ADAMTS20: variants seen among roughly 807,000 people sequenced by gnomAD.
ADAMTS20 encodes A disintegrin and metalloproteinase with thrombospondin motifs 20.
A neutral mutation model predicts 260.1 loss-of-function variants in ADAMTS20; 225 were observed. The observed-to-expected ratio is 0.87, with a 90% CI of 0.78 to 0.97. The LOEUF is 0.97. Ranked by LOEUF, ADAMTS20 falls within the 50% of genes least tolerant of loss-of-function variation. The pLI is 0.00. For missense variants in ADAMTS20, 2,400 were observed against 2,337.7 expected (o/e 1.03, Z -0.55); for synonymous variants, 802 against 769.5 (o/e 1.04, Z -0.70).
intron 28 of ADAMTS20, among the ~76,000 whole-genome samples, chr12:43,412,802 A>ATTTT (rs139458463): frequency 1.1e-4 from 9 of 84,274 alleles, no homozygotes; most frequent in African/African-American, 2.1e-4. Context: ...ATAGGAAATA[A>ATTTT]TTTTTTTTTT....
At chr12:43,387,193 A>G (rs1208245395) in intron 29 of ADAMTS20, among the ~76,000 whole-genome samples, 2 of 152,038 alleles carry the variant, frequency 1.3e-5, no homozygotes, top group Non-Finnish European at 2.9e-5. Flanking sequence ...CCTTTTGTTG[A>G]TGTTCATGCC....
At position 43,434,933 on chromosome 12, in the gene ADAMTS20, T is replaced by C. The variant is rs148696283; in HGVS notation, c.2594-562A>G. Among the ~76,000 whole-genome samples, 697 of 152,162 alleles carry C rather than the reference T, an allele frequency of 4.6e-3. 6 individuals are homozygous for C. Among genetic ancestry groups the C allele is most frequent in the African/African-American group, 0.015 (637 of 41,526 alleles). ...TGCCTCCAGAACATCATTTCCCAGA[T>C]ACAGCTGATCTTTCAGCCTGGAATC... On this transcript the variant is annotated intron_variant, in intron 18 of 38. Transcript: ENST00000389420.
At position 43,425,518 on chromosome 12, in the gene ADAMTS20, G is replaced by A; in HGVS notation, c.4280C>T (p.Thr1427Ile). The A allele has an allele frequency of 6.6e-7, 1 of 1,511,686 alleles. No individual in the cohort carries two copies. Among genetic ancestry groups the A allele is most frequent in the South Asian group, 1.3e-5 (1 of 75,482 alleles). 93.6% of individuals were successfully genotyped at this position (1,511,686 alleles called of 1,614,324 possible). Residue 1427 changes from threonine to isoleucine, a missense_variant, in exon 28 of 39, where the codon ACA (threonine) becomes ATA (isoleucine). Coordinates refer to ENST00000389420, the MANE Select transcript of ADAMTS20 (RefSeq NM_025003.5). ...CAGACAAGAGTGCTATCATACCGAT[G>A]TCCATGGTTCCTGATGCCATGACAC... ...ADVSWHQEPW[T>I]SCSASCGKGR...
intron 37 of ADAMTS20, among the ~76,000 whole-genome samples, chr12:43,363,850 C>T (rs1227662331): frequency 1.3e-5 from 2 of 152,104 alleles, no homozygotes. Context: ...CAAAAACAGA[C>T]TATAAGACTA....
intron 11 of ADAMTS20, 99 bp downstream of exon 11, chr12:43,462,795 GA>G: frequency 1.1e-6 from 1 of 905,956 alleles, no homozygotes; most frequent in Non-Finnish European, 1.7e-6. Context: ...ACTAGCTGAA[GA>G]AAAGTTGACA....
chr12:43,495,210 G>A (rs1041524665), intron 4 of ADAMTS20, among the ~76,000 whole-genome samples: 10 of 152,152 alleles, frequency 6.6e-5, no homozygotes, highest in Non-Finnish European at 1.5e-4. Flanking sequence ...CCAATATTCT[G>A]ATAGTATAAT....
In ADAMTS20 at chr12:43,502,464, C is replaced by T. The variant is rs1252816853; in HGVS notation, c.614-59G>A. 5.3e-6 allele frequency: 8 copies of T among 1,521,070 alleles called. No individual in the cohort carries two copies. In the South Asian group the frequency reaches 6.5e-5, roughly 12 times the overall value. The allele number at this position is 1,521,070 out of a possible 1,614,324, so 94.2% of individuals were successfully genotyped here. A position where few individuals can be genotyped will look rare whatever the true frequency, so the allele number is the denominator to read the frequency against. ...TTAAATTGGATGTGACGAAAAATAT[C>T]GCAAAAAATAGAACAGCCAAAAATA... On this transcript the variant is annotated intron_variant, in intron 3 of 38. Coordinates refer to ENST00000389420, the MANE Select transcript of ADAMTS20 (RefSeq NM_025003.5).
intron 2 of ADAMTS20, among the ~76,000 whole-genome samples, chr12:43,545,059 T>G (rs766029207): frequency 6.6e-6 from 1 of 152,162 alleles, no homozygotes; most frequent in Non-Finnish European, 1.5e-5. Flanking sequence ...GGGACAAAAC[T>G]GCTCCCAGTA....
intron 37 of ADAMTS20, among the ~76,000 whole-genome samples, chr12:43,365,466 T>G (rs991498412): frequency 1.3e-5 from 2 of 152,024 alleles, no homozygotes; most frequent in Non-Finnish European, 2.9e-5. Context: ...TATATAGACA[T>G]GTAATATATT....
chr12:43,541,384 G>T (rs371441402), intron 2 of ADAMTS20, among the ~76,000 whole-genome samples: 1 of 152,122 alleles, frequency 6.6e-6, no homozygotes, highest in Non-Finnish European at 1.5e-5. Flanking sequence ...TTCCTAGGAA[G>T]GTTAATGTGT....
At chr12:43,496,632 T>C (rs1260819750) in intron 4 of ADAMTS20, among the ~76,000 whole-genome samples, 3 of 152,176 alleles carry the variant, frequency 2.0e-5, no homozygotes, top group African/African-American at 4.8e-5. Context: ...GAGTTGATTT[T>C]TTTTGTCTTA....
chr12:43,509,000 T>A (rs550759435), intron 3 of ADAMTS20, among the ~76,000 whole-genome samples: 1 of 152,204 alleles, frequency 6.6e-6, no homozygotes, highest in East Asian at 1.9e-4. Flanking sequence ...ATTGAGAACA[T>A]AAGTTGTTTG....
At position 43,515,811 on chromosome 12, in the gene ADAMTS20, G is replaced by A. The variant is rs143216177; in HGVS notation, c.614-13406C>T. On this transcript the variant is annotated intron_variant, in intron 3 of 38. Coordinates refer to ENST00000389420, the MANE Select transcript of ADAMTS20 (RefSeq NM_025003.5). ...TCACTATTTTTAGATGTTGACAAAA[G>A]TAGGAAAAAATCAAACTTTAAAATT... Among the ~76,000 whole-genome samples, 905 of 152,260 alleles carry A rather than the reference G, an allele frequency of 5.9e-3. 9 individuals are homozygous for A. Among genetic ancestry groups the A allele is most frequent in the African/African-American group, 0.021 (866 of 41,546 alleles).
Position 43,421,284 on chromosome 12 carries a change from A to ACACAC in ADAMTS20, c.4284+4229_4284+4230insGTGTG, listed in dbSNP as rs1565689582. Among the ~76,000 whole-genome samples the ACACAC allele has an allele frequency of 1.2e-3, 123 of 102,230 alleles. No homozygotes were observed. In the East Asian group the frequency reaches 0.027, roughly 23 times the overall value. 67.1% of individuals were successfully genotyped at this position (102,230 alleles called of 152,430 possible). A position where few individuals can be genotyped will look rare whatever the true frequency, so the allele number is the denominator to read the frequency against. On this transcript the variant is annotated intron_variant, in intron 28 of 38. Transcript: ENST00000389420. ...TTCAAGTAGCAAGCTTTCATTTACA[A>ACACAC]AAAAAAAAAAAAAACTTTCTCTTTT...
chr12:43,362,551 T>C (rs1391685129), intron 37 of ADAMTS20, among the ~76,000 whole-genome samples: 1 of 152,092 alleles, frequency 6.6e-6, no homozygotes, highest in Non-Finnish European at 1.5e-5. Flanking sequence ...TCTAGAATGG[T>C]GATGTGAGGA....
chr12:43,425,454 C>A, intron 28 of ADAMTS20, 60 bp downstream of exon 28: 2 of 1,318,296 alleles, frequency 1.5e-6, no homozygotes, highest in Non-Finnish European at 2.0e-6. Context: ...AATGAACTCT[C>A]CCTCACTCAG....
Position 43,428,797 on chromosome 12 carries a change from G to T in ADAMTS20, c.3492C>A (p.Cys1164Ter). 6.2e-7 allele frequency: 1 copy of T among 1,601,858 alleles called. No individual in the cohort carries two copies. Among genetic ancestry groups the T allele is most frequent in the East Asian group, 2.3e-5 (1 of 44,390 alleles). Reference sequence around the variant, plus strand: ...GAGTACCTCTTCCACAAGATACGGAGCACTTTTTAAGAAATCAAATTGTAT... The same window carrying T: ...GAGTACCTCTTCCACAAGATACGGATCACTTTTTAAGAAATCAAATTGTAT... ...AQWRHGSWTPCSVSCGRGTQA... is the reference protein window; with the variant it reads ...AQWRHGSWTP The change falls in exon 25 of 39, where the codon TGC becomes TGA. Residue 1164 changes from cysteine (C) to a stop codon, truncating the protein, a stop_gained and splice_region_variant. Transcript: ENST00000389420. LOFTEE classifies it high-confidence loss of function.
chr12:43,496,611 C>A (rs531423490), intron 4 of ADAMTS20, among the ~76,000 whole-genome samples: 1 of 152,264 alleles, frequency 6.6e-6, no homozygotes, highest in Non-Finnish European at 1.5e-5. Context: ...AGTTGTTCAA[C>A]CCTGGAAAAT....
chr12:43,508,000 A>G (rs442215), intron 3 of ADAMTS20, among the ~76,000 whole-genome samples: 65,079 of 151,930 alleles, frequency 0.43, 15,492 homozygotes, highest in African/African-American at 0.65. Context: ...GTGGAGGGTG[A>G]GAGGAGGGAG....
Sources: gnomAD v4.1 joint callset for allele counts (sites outside exome capture counted in the v4.1 genomes callset) on GRCh38, gnomAD v4.1.1 for gene constraint, MANE v1.5 for transcripts, NCBI Gene and HGNC (gene_info 2026-07-23, HGNC 2026-07-21) for gene names.